Variants in DPP10 observed in about 807,000 individuals in gnomAD.
DPP10 encodes dipeptidyl peptidase like 10, also known as inactive dipeptidyl peptidase 10.
DPP10 carries 33 observed loss-of-function variants against 120.9 expected under a neutral mutation model. The ratio of observed to expected loss-of-function variants is 0.27; its 90% CI spans 0.21 to 0.37. The LOEUF (loss-of-function observed/expected upper bound fraction) is 0.37, where lower values mean the gene tolerates loss of function less well. DPP10 is among the 10% of genes least tolerant of loss of function. DPP10 has a pLI of 1.00. For synonymous variants in DPP10, 337 were observed against 326.1 expected, an observed-to-expected ratio of 1.03 and a Z score of -0.36; for missense variants, 816 against 942.8, an observed-to-expected ratio of 0.87 and a Z score of 1.76.
At chr2:115,776,032 A>G (rs1247579414) in intron 13 of DPP10, among the ~76,000 whole-genome samples, 1 of 152,184 alleles carries the variant, frequency 6.6e-6, no homozygotes, top group Admixed American at 6.6e-5. Context: ...CTTTATTCAT[A>G]TAGCATAATT....
chr2:115,018,557 T>C (rs922834149), intron 1 of DPP10, among the ~76,000 whole-genome samples: 1 of 152,144 alleles, frequency 6.6e-6, no homozygotes, highest in African/African-American at 2.4e-5. Context: ...ATATGTCCTT[T>C]GCAGGGACAT....
intron 1 of DPP10, among the ~76,000 whole-genome samples, chr2:115,124,029 C>G (rs1276122471): frequency 1.3e-5 from 2 of 151,446 alleles, no homozygotes; most frequent in Non-Finnish European, 2.9e-5. Flanking sequence ...TCATTGAATC[C>G]TCAACCTCCC....
intron 1 of DPP10, among the ~76,000 whole-genome samples, chr2:114,779,392 C>T (rs1682067746): frequency 6.6e-6 from 1 of 152,138 alleles, no homozygotes; most frequent in East Asian, 1.9e-4. Context: ...AGAACAAGAG[C>T]CAGCTCCCTG....
At chr2:115,764,111 A>G (rs534038969) in intron 12 of DPP10, among the ~76,000 whole-genome samples, 92 of 151,906 alleles carry the variant, frequency 6.1e-4, no homozygotes, top group African/African-American at 2.2e-3. Flanking sequence ...TGTGTAACAC[A>G]CAATTATTGC....
chr2:114,837,702 A>G (rs982793916), intron 1 of DPP10, among the ~76,000 whole-genome samples: 2 of 152,216 alleles, frequency 1.3e-5, no homozygotes, highest in African/African-American at 4.8e-5. Context: ...CTAAACCTCA[A>G]TGGCAATTGA....
intron 21 of DPP10, among the ~76,000 whole-genome samples, chr2:115,823,211 GC>G (rs1191987454): frequency 2.0e-5 from 3 of 151,982 alleles, no homozygotes; most frequent in African/African-American, 7.2e-5. Flanking sequence ...ATTCTTTGAT[GC>G]TTTTGTTGCA....
intron 1 of DPP10, among the ~76,000 whole-genome samples, chr2:115,084,524 T>A (rs887028325): frequency 1.3e-5 from 2 of 152,222 alleles, no homozygotes; most frequent in Admixed American, 6.5e-5. Context: ...ATGATTGCAG[T>A]GCCTAAGCAG....
chr2:114,915,851 A>G (rs746077470), intron 1 of DPP10, among the ~76,000 whole-genome samples: 1 of 152,178 alleles, frequency 6.6e-6, no homozygotes, highest in Non-Finnish European at 1.5e-5. Context: ...AGTGTTAAGA[A>G]GAAAGTTTAT....
At chr2:115,367,104 T>C (rs750559350) in intron 3 of DPP10, among the ~76,000 whole-genome samples, 1 of 152,068 alleles carries the variant, frequency 6.6e-6, no homozygotes, top group Non-Finnish European at 1.5e-5. Flanking sequence ...GGTCACATAC[T>C]TTAAGTAGTA....
intron 3 of DPP10, among the ~76,000 whole-genome samples, chr2:115,369,332 T>C (rs1417487732): frequency 6.6e-6 from 1 of 152,006 alleles, no homozygotes; most frequent in Non-Finnish European, 1.5e-5. Context: ...AAAGTAGAAG[T>C]TTAGATTATT....
rs1029662812 is a variant in DPP10, at chr2:115,429,242, A to T, written c.272-70268A>T. On this transcript the variant is annotated intron_variant, in intron 3 of 25. Coordinates refer to ENST00000410059, the MANE Select transcript of DPP10 (RefSeq NM_020868.6). ...GTTTTAAAATATATTAAAAAAAATT[A>T]AAAATTGTATACGTGCATCTGCTTT... is the stretch of plus-strand genomic sequence containing the variant. 3.3e-4 allele frequency among the ~76,000 whole-genome samples: 49 copies of T among 150,138 alleles called. 1 individual carries two copies. Among genetic ancestry groups the T allele is most frequent in the African/African-American group, 1.1e-3 (47 of 40,924 alleles).
At chr2:114,915,337 C>A (rs1031600535) in intron 1 of DPP10, among the ~76,000 whole-genome samples, 1 of 152,152 alleles carries the variant, frequency 6.6e-6, no homozygotes, top group Non-Finnish European at 1.5e-5. Context: ...GGGTACCCAG[C>A]TCTGGAGTAC....
chr2:114,821,334 G>A (rs576655309), intron 1 of DPP10, among the ~76,000 whole-genome samples: 17 of 152,172 alleles, frequency 1.1e-4, no homozygotes, highest in Non-Finnish European at 2.1e-4. Flanking sequence ...CAATGGTGGT[G>A]AGAATTGCCA....
At chr2:115,196,736 A>G (rs1304891214) in intron 1 of DPP10, among the ~76,000 whole-genome samples, 2 of 152,212 alleles carry the variant, frequency 1.3e-5, no homozygotes, top group African/African-American at 4.8e-5. Context: ...TTGTTAAGGC[A>G]TTCATGAATC....
chr2:115,669,510 G>T (rs1559005910), intron 5 of DPP10, among the ~76,000 whole-genome samples: 1 of 152,174 alleles, frequency 6.6e-6, no homozygotes, highest in Admixed American at 6.5e-5. Context: ...CATATAGTCA[G>T]AAAGTTCCCA....
At chr2:115,129,241 G>A (rs2050221563) in intron 1 of DPP10, among the ~76,000 whole-genome samples, 1 of 152,138 alleles carries the variant, frequency 6.6e-6, no homozygotes, top group African/African-American at 2.4e-5. Context: ...CTTTACATCT[G>A]TCATGTCTCC....
chr2:115,074,272 G>C (rs1707610618), intron 1 of DPP10, among the ~76,000 whole-genome samples: 1 of 152,086 alleles, frequency 6.6e-6, no homozygotes, highest in Non-Finnish European at 1.5e-5. Flanking sequence ...ACCTCCCAAA[G>C]TGCTGGGACT....
chr2:115,320,922 CCTCAGCTTTT>C (rs2062026616), intron 2 of DPP10, among the ~76,000 whole-genome samples: 1 of 152,124 alleles, frequency 6.6e-6, no homozygotes, highest in African/African-American at 2.4e-5. Flanking sequence ...CCTCAGCTTT[CCTCAGCTTTT>C]GTTTATCAGG....
At chr2:115,039,052 T>C (rs889817399) in intron 1 of DPP10, among the ~76,000 whole-genome samples, 2 of 152,138 alleles carry the variant, frequency 1.3e-5, no homozygotes, top group African/African-American at 4.8e-5. Flanking sequence ...GGCCAGAAGA[T>C]GCTTCCAGGG....
Sources: gnomAD v4.1 joint callset for allele counts (sites outside exome capture counted in the v4.1 genomes callset) on GRCh38, gnomAD v4.1.1 for gene constraint, MANE v1.5 for transcripts, NCBI Gene and HGNC (gene_info 2026-07-23, HGNC 2026-07-21) for gene names.